LMX1A: variants seen among roughly 807,000 people sequenced by gnomAD.
LMX1A encodes LIM homeobox transcription factor 1-alpha.
A neutral mutation model predicts 49.1 loss-of-function variants in LMX1A; 15 were observed. The ratio of observed to expected loss-of-function variants is 0.31; its 90% confidence interval spans 0.20 to 0.47. LMX1A has a LOEUF of 0.47. LMX1A is among the 20% of genes least tolerant of loss of function. The pLI is 1.00. For missense variants in LMX1A, 372 were observed against 475.8 expected, an observed-to-expected ratio of 0.78 and a Z score of 2.03; for synonymous variants, 167 against 185.7, an observed-to-expected ratio of 0.90 and a Z score of 0.82.
At chr1:165,305,475 G>A (rs1386694664) in intron 3 of LMX1A, among the ~76,000 whole-genome samples, 1 of 152,178 alleles carries the variant, frequency 6.6e-6, no homozygotes, top group Non-Finnish European at 1.5e-5. Context: ...AAAGGACCCA[G>A]TAGGCCAAAT....
rs372266856 is a variant in LMX1A at position 165,353,047 on chromosome 1, G to C, written c.263+29C>G. 5.0e-6 allele frequency: 8 copies of C among 1,610,352 alleles called. No homozygotes were observed. The African/African-American group carries it at 1.1e-4, about 22-fold the overall frequency. ...CGACGCACACTGATGCCAGTGCGCG[G>C]GGAGCGCTGCGGGGGTGCGGCCACT... is the stretch of plus-strand genomic sequence containing the variant. On this transcript the variant is annotated intron_variant, in intron 3 of 8. Transcript: ENST00000342310.
At chr1:165,329,624 C>G (rs533728125) in intron 3 of LMX1A, among the ~76,000 whole-genome samples, 14 of 150,044 alleles carry the variant, frequency 9.3e-5, no homozygotes, top group African/African-American at 3.4e-4. Context: ...CCCCCACCCC[C>G]GCCACTGCAA....
At chr1:165,313,453 G>A (rs1365062008) in intron 3 of LMX1A, among the ~76,000 whole-genome samples, 1 of 143,922 alleles carries the variant, frequency 6.9e-6, no homozygotes, top group Non-Finnish European at 1.5e-5. Flanking sequence ...TTCATACTTA[G>A]TCACACACAC....
chr1:165,248,511 T>C (rs550463681), intron 4 of LMX1A, among the ~76,000 whole-genome samples: 1 of 152,362 alleles, frequency 6.6e-6, no homozygotes, highest in Admixed American at 6.5e-5. Context: ...TAGTCAGTGT[T>C]AATTTAATGT....
chr1:165,205,437 G>T (rs2102592917), intron 8 of LMX1A, among the ~76,000 whole-genome samples: 1 of 152,334 alleles, frequency 6.6e-6, no homozygotes, highest in South Asian at 2.1e-4. Flanking sequence ...GCACCTATTA[G>T]TATCCATAGT....
At chr1:165,332,621 G>A (rs1655781178) in intron 3 of LMX1A, among the ~76,000 whole-genome samples, 1 of 152,096 alleles carries the variant, frequency 6.6e-6, no homozygotes, top group Admixed American at 6.5e-5. Flanking sequence ...TCAAATTAAT[G>A]TGTGCCCAAA....
chr1:165,304,142 T>C (rs1221739077), intron 3 of LMX1A, among the ~76,000 whole-genome samples: 1 of 152,088 alleles, frequency 6.6e-6, no homozygotes, highest in Non-Finnish European at 1.5e-5. Context: ...ACTAATAGGG[T>C]AACCCTGGGA....
At chr1:165,245,335 G>T (rs1435389259) in intron 4 of LMX1A, among the ~76,000 whole-genome samples, 1 of 151,992 alleles carries the variant, frequency 6.6e-6, no homozygotes, top group Non-Finnish European at 1.5e-5. Context: ...AAATGTTAAG[G>T]GACAAGCAGT....
At chr1:165,338,042 G>A (rs1655956742) in intron 3 of LMX1A, among the ~76,000 whole-genome samples, 2 of 152,008 alleles carry the variant, frequency 1.3e-5, no homozygotes, top group African/African-American at 2.4e-5. Context: ...TTTTCCATTA[G>A]CATCTCTTAA....
At chr1:165,242,929 C>CAAAAAAAAAAA (rs35937155) in intron 4 of LMX1A, among the ~76,000 whole-genome samples, 14 of 115,174 alleles carry the variant, frequency 1.2e-4, no homozygotes, top group Admixed American at 3.6e-4. Context: ...AACTCCACCT[C>CAAAAAAAAAAA]AAAAAAAAAA....
At chr1:165,299,375 G>A (rs2101723026) in intron 3 of LMX1A, among the ~76,000 whole-genome samples, 1 of 152,364 alleles carries the variant, frequency 6.6e-6, no homozygotes, top group South Asian at 2.1e-4. Flanking sequence ...GGAAGGCAGG[G>A]AACCTAAGTT....
intron 3 of LMX1A, among the ~76,000 whole-genome samples, chr1:165,262,271 G>T (rs114105380): frequency 3.3e-5 from 5 of 152,124 alleles, no homozygotes; most frequent in African/African-American, 1.2e-4. Flanking sequence ...AATCTCAGCT[G>T]GTGCATACAT....
At chr1:165,237,197 C>G (rs1381695990) in intron 4 of LMX1A, among the ~76,000 whole-genome samples, 1 of 152,194 alleles carries the variant, frequency 6.6e-6, no homozygotes, top group Non-Finnish European at 1.5e-5. Context: ...TCACTGATTC[C>G]TAAGAAGGAA....
At position 165,355,478 on chromosome 1, in the gene LMX1A, A is replaced by T. The variant is rs978673158; in HGVS notation, c.76+6T>A. On this transcript the variant is annotated splice_donor_region_variant and intron_variant, in intron 2 of 8. Coordinates refer to ENST00000342310, the MANE Select transcript of LMX1A (RefSeq NM_177398.4). This position sits in a 1 kb window ranked among gnomAD's most constrained non-coding sequence, Gnocchi z 4.7. Reference sequence around the variant, plus strand: ...TGCGCCCAGGACGCACGGCCTGAACACTCACCCAGCAGCGAGGAGAAGGAG... The same window carrying T: ...TGCGCCCAGGACGCACGGCCTGAACTCTCACCCAGCAGCGAGGAGAAGGAG... 2 of 1,613,618 alleles carry T rather than the reference A, an allele frequency of 1.2e-6. No individual in the cohort carries two copies. The highest frequency in any genetic ancestry group is 1.7e-6 in the Non-Finnish European group (2 of 1,179,830).
chr1:165,221,908 T>C (rs1571157209), intron 4 of LMX1A, among the ~76,000 whole-genome samples: 2 of 126,898 alleles, frequency 1.6e-5, no homozygotes, highest in African/African-American at 5.4e-5. Flanking sequence ...GTCTCCACTC[T>C]ACACACACAC....
At chr1:165,315,006 C>A (rs1273963133) in intron 3 of LMX1A, among the ~76,000 whole-genome samples, 2 of 152,100 alleles carry the variant, frequency 1.3e-5, no homozygotes, top group Non-Finnish European at 2.9e-5. Flanking sequence ...CTTCCCAGAC[C>A]CTAGGTTAGG....
At chr1:165,253,161 A>G (rs1557864079) in intron 3 of LMX1A, among the ~76,000 whole-genome samples, 2 of 152,228 alleles carry the variant, frequency 1.3e-5, no homozygotes, top group Admixed American at 6.5e-5. Flanking sequence ...TGTAGCTCGC[A>G]TGCTAGTGGG....
chr1:165,231,662 C>A (rs1241042686), intron 4 of LMX1A, among the ~76,000 whole-genome samples: 1 of 152,136 alleles, frequency 6.6e-6, no homozygotes, highest in East Asian at 1.9e-4. Flanking sequence ...ATTGAGAACT[C>A]TAGTTAACTT....
intron 3 of LMX1A, among the ~76,000 whole-genome samples, chr1:165,333,509 C>A (rs1374606975): frequency 2.0e-5 from 3 of 152,130 alleles, no homozygotes; most frequent in African/African-American, 7.2e-5. Context: ...TCACTCAAGG[C>A]CACTTTTCTC....
Sources: gnomAD v4.1 joint callset for allele counts (sites outside exome capture counted in the v4.1 genomes callset) on GRCh38, gnomAD v4.1.1 for gene constraint, Gnocchi (gnomAD v3.1) non-coding constraint, MANE v1.5 for transcripts, NCBI Gene and HGNC (gene_info 2026-07-23, HGNC 2026-07-21) for gene names.